DNAH14: variants seen among roughly 807,000 people sequenced by gnomAD.
DNAH14 encodes the protein dynein axonemal heavy chain 14.
DNAH14 carries 478 observed loss-of-function variants against 520.9 expected under a neutral mutation model. The observed-to-expected ratio is 0.92, with a 90% CI of 0.85 to 0.99. DNAH14 has a LOEUF of 0.99. DNAH14 is among the 50% of genes least tolerant of loss of function. The pLI, the probability that DNAH14 is intolerant of heterozygous loss-of-function variation, is 0.00. For missense variants in DNAH14, 4,831 were observed against 5,234.5 expected (o/e 0.92, Z 2.38); for synonymous variants, 1,581 against 1,757.2 (o/e 0.90, Z 2.51).
At chr1:225,299,520 T>C (rs2094094627) in intron 55 of DNAH14, among the ~76,000 whole-genome samples, 1 of 152,226 alleles carries the variant, frequency 6.6e-6, no homozygotes. Context: ...CAAACTTAAA[T>C]ATCCAGCTCT....
Position 225,381,453 on chromosome 1 carries a change from A to T in DNAH14, c.12951A>T (p.Leu4317Phe), listed in dbSNP as rs1254123089. The change falls in exon 81 of 86, where the codon TTA (leucine) becomes TTT (phenylalanine). Residue 4317 changes from leucine (L) to phenylalanine (F), a missense_variant. Leu to Phe is a conservative substitution (Grantham distance 22). Transcript: ENST00000682510. ...AAGAAATTAAACGATTTGATAAGTT[A>T]TTATTTGTCATACATAAATCCTTAA... The part of the protein sequence containing the change: ...LKQEIKRFDK[L>F]LFVIHKSLKD... 39 of 1,550,880 alleles carry T rather than the reference A, an allele frequency of 2.5e-5. No individual in the cohort carries two copies. The highest frequency in any genetic ancestry group is 3.4e-5 in the Non-Finnish European group (39 of 1,146,808).
chr1:225,193,088 C>G (rs2085661244), intron 38 of DNAH14, among the ~76,000 whole-genome samples, 177 bp downstream of exon 38: 1 of 151,752 alleles, frequency 6.6e-6, no homozygotes, highest in Non-Finnish European at 1.5e-5. Flanking sequence ...GGAAAATCTC[C>G]CATTGAATTT....
At chr1:225,245,505 A>G (rs2092231124) in intron 43 of DNAH14, among the ~76,000 whole-genome samples, 1 of 152,060 alleles carries the variant, frequency 6.6e-6, no homozygotes. Flanking sequence ...GTCTCAGGAC[A>G]CAAAATCAAT....
chr1:225,124,455 TG>T (rs1433196253), intron 27 of DNAH14, among the ~76,000 whole-genome samples: 2 of 152,234 alleles, frequency 1.3e-5, no homozygotes, highest in Admixed American at 1.3e-4. Context: ...AATCCTTTTT[TG>T]TCATTTCAAT....
At chr1:225,260,367 A>AT (rs200747809) in intron 46 of DNAH14, among the ~76,000 whole-genome samples, 64 of 151,842 alleles carry the variant, frequency 4.2e-4, no homozygotes, top group African/African-American at 1.5e-3. Flanking sequence ...AAAAAAAAAA[A>AT]TCCATTCAGC....
In DNAH14 at chr1:225,271,967, A is replaced by C. The variant is rs1220265061; in HGVS notation, c.7733A>C (p.Asp2578Ala). ...NFTPEVQKSK[D>A]QIISCSLAIY... The stretch of plus-strand genomic sequence containing the variant: ...ACACCTGAAGTTCAGAAAAGTAAGG[A>C]TCAGATAATATCTTGTTCCCTAGCT... Residue 2578 changes from aspartate to alanine, a missense_variant, in exon 51 of 86, where the codon GAT becomes GCT. Coordinates refer to ENST00000682510, the MANE Select transcript of DNAH14 (RefSeq NM_001367479.1). The C allele has an allele frequency of 1.3e-6, 2 of 1,550,660 alleles. No individual in the cohort carries two copies. Among genetic ancestry groups the C allele is most frequent in the South Asian group, 2.4e-5 (2 of 83,964 alleles).
Position 225,023,826 on chromosome 1 carries a change from T to C in DNAH14, c.1319T>C (p.Met440Thr). The change falls in exon 11 of 86, where the codon ATG becomes ACG. Residue 440 changes from methionine to threonine, a missense_variant. Met to Thr is a moderately conservative substitution (Grantham distance 81). Transcript: ENST00000682510. The part of the protein sequence containing the change: ...LLELFNGSAG[M>T]PFSVEKKNEN... ...GAATTATTTAATGGTTCTGCTGGAA[T>C]GCCATTTTCAGTGGAAAAAAAGAAT... The C allele has an allele frequency of 6.5e-7, 1 of 1,539,810 alleles. No individual in the cohort carries two copies. Among genetic ancestry groups the C allele is most frequent in the Non-Finnish European group, 8.8e-7 (1 of 1,141,520 alleles).
rs531472047 is a variant in DNAH14, at chr1:224,968,030, A to G, written c.651+447A>G. On this transcript the variant is annotated intron_variant, in intron 6 of 85. Coordinates refer to ENST00000682510, the MANE Select transcript of DNAH14 (RefSeq NM_001367479.1). Reference sequence around the variant, plus strand: ...TGAAAATATACAATTACTTGTTTTAATGATTTGTTTAATGTCTGTCTGCCT... The same window carrying G: ...TGAAAATATACAATTACTTGTTTTAGTGATTTGTTTAATGTCTGTCTGCCT... The G allele has an allele frequency of 8.0e-6, 7 of 870,900 alleles. No individual in the cohort carries two copies. In the African/African-American group the frequency reaches 9.0e-5, roughly 11 times the overall value. 53.9% of individuals were successfully genotyped at this position (870,900 alleles called of 1,614,324 possible). A position where few individuals can be genotyped will look rare whatever the true frequency, so the allele number is the denominator to read the frequency against.
chr1:225,142,609 T>C (rs1347755181), intron 28 of DNAH14, among the ~76,000 whole-genome samples: 3 of 152,158 alleles, frequency 2.0e-5, no homozygotes, highest in African/African-American at 7.2e-5. Context: ...ACAATAGGCA[T>C]ATCTCATTAA....
chr1:225,219,149 T>C (rs1318745110), intron 41 of DNAH14, among the ~76,000 whole-genome samples: 1 of 152,154 alleles, frequency 6.6e-6, no homozygotes. Flanking sequence ...CCAGAATCAC[T>C]GGGACACAGC....
At chr1:225,040,718 C>A (rs745999462) in intron 12 of DNAH14, among the ~76,000 whole-genome samples, 5 of 152,144 alleles carry the variant, frequency 3.3e-5, no homozygotes, top group Non-Finnish European at 7.4e-5. Flanking sequence ...GTTACTATTT[C>A]TTTATTTACT....
chr1:225,261,549 C>T (rs1361273918), intron 46 of DNAH14, among the ~76,000 whole-genome samples: 1 of 151,846 alleles, frequency 6.6e-6, no homozygotes, highest in Non-Finnish European at 1.5e-5. Context: ...TTTTATTAGT[C>T]TTTTGAGGAT....
intron 21 of DNAH14, among the ~76,000 whole-genome samples, chr1:225,086,474 ATG>A (rs2073815213): frequency 6.7e-6 from 1 of 150,064 alleles, no homozygotes; most frequent in Non-Finnish European, 1.5e-5. Context: ...TCAACATGAC[ATG>A]TGATAATATA....
chr1:225,160,876 T>A (rs1214759566), intron 35 of DNAH14, among the ~76,000 whole-genome samples: 1 of 152,142 alleles, frequency 6.6e-6, no homozygotes, highest in Admixed American at 6.5e-5. Context: ...GGTATCTGTT[T>A]TAAACTTTTA....
rs2095280202 is a variant in DNAH14, at chr1:225,345,963, A to T, written c.10680A>T (p.Gly3560=). The change falls in exon 70 of 86, where the codon GGA becomes GGT. Residue 3560 remains glycine, a splice_region_variant and synonymous_variant. Transcript: ENST00000682510. Reference sequence around the variant, plus strand: ...ACTTCACTTTTTGTTTGTCTTTAGGATCCATATTAGATGATGACAAAATTG... The same window carrying T: ...ACTTCACTTTTTGTTTGTCTTTAGGTTCCATATTAGATGATGACAAAATTG... The part of the protein sequence containing the change: ...KTLNLLQKAL[G]SILDDDKIVD... 2 of 1,544,512 alleles carry T rather than the reference A, an allele frequency of 1.3e-6. No homozygotes were observed. Among genetic ancestry groups the T allele is most frequent in the Non-Finnish European group, 1.7e-6 (2 of 1,143,742 alleles).
intron 37 of DNAH14, among the ~76,000 whole-genome samples, chr1:225,188,015 T>C: frequency 6.6e-6 from 1 of 151,936 alleles, no homozygotes; most frequent in East Asian, 1.9e-4. Flanking sequence ...ATCTTGGCAT[T>C]TTTTGTTGAA....
At chr1:225,094,654 AG>A (rs2074724200) in intron 21 of DNAH14, among the ~76,000 whole-genome samples, 1 of 100,366 alleles carries the variant, frequency 1.0e-5, no homozygotes, top group Non-Finnish European at 1.8e-5. Flanking sequence ...GCTTCTGCAC[AG>A]CAAAAAAAAA....
intron 77 of DNAH14, among the ~76,000 whole-genome samples, chr1:225,374,264 ATATATAT>A (rs1558561661): frequency 3.0e-5 from 2 of 66,412 alleles, no homozygotes; most frequent in Admixed American, 2.1e-4. Flanking sequence ...ATATATATAT[ATATATAT>A]TTTTTTTTGA....
Position 225,225,144 on chromosome 1 carries a change from G to A in DNAH14, c.6440-5929G>A, listed in dbSNP as rs563976738. Among the ~76,000 whole-genome samples, 5 of 152,200 alleles carry A rather than the reference G, an allele frequency of 3.3e-5. No homozygotes were observed. The South Asian group carries it at 1.0e-3, about 32-fold the overall frequency. ...CCTAAACAATTTCAACTTACCCAGA[G>A]ACTAGCTAAACAAATTATCCTGCAA... On this transcript the variant is annotated intron_variant, in intron 41 of 85. Coordinates refer to ENST00000682510, the MANE Select transcript of DNAH14 (RefSeq NM_001367479.1).
Sources: gnomAD v4.1 joint callset for allele counts (sites outside exome capture counted in the v4.1 genomes callset) on GRCh38, gnomAD v4.1.1 for gene constraint, MANE v1.5 for transcripts, NCBI Gene and HGNC (gene_info 2026-07-23, HGNC 2026-07-21) for gene names.